The following PROCR variants were observed in gnomAD, a reference collection of about 807,000 sequenced individuals.
The protein encoded by PROCR is endothelial protein C receptor.
A neutral mutation model predicts 24.2 loss-of-function variants in PROCR; 22 were observed. The ratio of observed to expected loss-of-function variants is 0.91; its 90% confidence interval spans 0.65 to 1.30. The LOEUF (loss-of-function observed/expected upper bound fraction) is 1.30. Ranked by LOEUF, PROCR falls within the 50% of genes most tolerant of loss-of-function variation. PROCR has a pLI of 0.00. For synonymous variants in PROCR, 137 were observed against 139.2 expected (o/e 0.98, Z 0.11); for missense variants, 288 against 307.7 (o/e 0.94, Z 0.48).
At chr20:35,200,052 A>C (rs1184032109) in intron 1 of PROCR, among the ~76,000 whole-genome samples, 1 of 152,228 alleles carries the variant, frequency 6.6e-6, no homozygotes, top group African/African-American at 2.4e-5. Flanking sequence ...AATGTGGCTG[A>C]ATTCTGTAAT....
At chr20:35,208,276 C>T (rs774987026) in intron 1 of PROCR, among the ~76,000 whole-genome samples, 2 of 152,232 alleles carry the variant, frequency 1.3e-5, no homozygotes, top group Admixed American at 6.5e-5. Context: ...TTTCTCTCTT[C>T]GGAATCTGTC....
chr20:35,179,152 G>A (rs1170839991), downstream of PROCR, among the ~76,000 whole-genome samples: 1 of 144,410 alleles, frequency 6.9e-6, no homozygotes, highest in African/African-American at 2.6e-5. Flanking sequence ...AGAATGGCAT[G>A]AATCCGGGAG....
chr20:35,193,921 G>T (rs2086194598), intron 1 of PROCR, among the ~76,000 whole-genome samples: 1 of 152,180 alleles, frequency 6.6e-6, no homozygotes, highest in South Asian at 2.1e-4. Context: ...ACTAAACCCT[G>T]AGGACGCCCC....
At chr20:35,205,344 T>A (rs6142327) in intron 1 of PROCR, among the ~76,000 whole-genome samples, 61,268 of 148,794 alleles carry the variant, frequency 0.41, 13,283 homozygotes, top group East Asian at 0.64. Flanking sequence ...AAAAAACACA[T>A]GATAATCCTA....
intron 1 of PROCR, among the ~76,000 whole-genome samples, chr20:35,192,535 G>A (rs564180134): frequency 9.6e-4 from 146 of 152,210 alleles, no homozygotes; most frequent in African/African-American, 3.2e-3. Context: ...GCAGCTGCAG[G>A]CATATCCCCC....
intron 1 of PROCR, among the ~76,000 whole-genome samples, chr20:35,173,200 G>A (rs963990736): frequency 1.3e-5 from 2 of 152,112 alleles, no homozygotes; most frequent in African/African-American, 4.8e-5. Context: ...TCTGGGTGTA[G>A]GAAGCAGAGA....
intron 1 of PROCR, among the ~76,000 whole-genome samples, chr20:35,210,574 A>AT (rs2060358848): frequency 6.6e-6 from 1 of 152,066 alleles, no homozygotes; most frequent in Non-Finnish European, 1.5e-5. Context: ...ATATAGACAT[A>AT]TTTTTAAAAG....
At chr20:35,205,089 G>A (rs140609135) in intron 1 of PROCR, among the ~76,000 whole-genome samples, 2,218 of 151,614 alleles carry the variant, frequency 0.015, 66 homozygotes, top group African/African-American at 0.05. Context: ...CCTGGCCAAC[G>A]TGGTGAAACC....
At chr20:35,208,012 A>C (rs1346142318) in intron 1 of PROCR, among the ~76,000 whole-genome samples, 1 of 152,202 alleles carries the variant, frequency 6.6e-6, no homozygotes, top group African/African-American at 2.4e-5. Context: ...GTGAGAATCC[A>C]TTTATTGGGT....
intron 1 of PROCR, among the ~76,000 whole-genome samples, chr20:35,195,839 AAAAAG>A (rs1345636715): frequency 6.7e-6 from 1 of 149,234 alleles, no homozygotes; most frequent in African/African-American, 2.5e-5. Flanking sequence ...AAAAAAAAAG[AAAAAG>A]AAAAGAAAGA....
chr20:35,208,446 A>C (rs1333357753), intron 1 of PROCR, among the ~76,000 whole-genome samples: 1 of 152,212 alleles, frequency 6.6e-6, no homozygotes, highest in East Asian at 1.9e-4. Context: ...TTTTGATCCA[A>C]GGGAAGGAGA....
intron 1 of PROCR, among the ~76,000 whole-genome samples, chr20:35,173,714 G>A (rs371480947): frequency 5.9e-5 from 9 of 152,158 alleles, no homozygotes; most frequent in African/African-American, 2.2e-4. Context: ...ACAGGCATGA[G>A]CCACCGCGCC....
chr20:35,205,950 T>C (rs891485089), intron 1 of PROCR, among the ~76,000 whole-genome samples: 2 of 148,764 alleles, frequency 1.3e-5, no homozygotes, highest in African/African-American at 5.0e-5. Flanking sequence ...GGATTACAGG[T>C]GTGAGCCACT....
chr20:35,202,651 G>T (rs1291023917), intron 1 of PROCR: 1 of 151,922 alleles, frequency 6.6e-6, no homozygotes, highest in Non-Finnish European at 1.5e-5. Context: ...TCACCAAGAA[G>T]ATAAACACTG....
chr20:35,195,218 G>GATGA (rs747721953), intron 1 of PROCR: 11 of 152,108 alleles, frequency 7.2e-5, no homozygotes, highest in African/African-American at 2.2e-4. Context: ...ATAACAGATG[G>GATGA]ATGAATGAAT....
At chr20:35,209,278 C>T (rs1313450218) in intron 1 of PROCR, among the ~76,000 whole-genome samples, 2 of 152,098 alleles carry the variant, frequency 1.3e-5, no homozygotes, top group African/African-American at 4.8e-5. Flanking sequence ...AGGTCTCTGG[C>T]ATGAACAACT....
At chr20:35,197,529 A>G (rs1402600798) in intron 1 of PROCR, among the ~76,000 whole-genome samples, 1 of 152,180 alleles carries the variant, frequency 6.6e-6, no homozygotes, top group Non-Finnish European at 1.5e-5. Flanking sequence ...GTTCAAGTGA[A>G]AAGAAGAGTC....
intron 1 of PROCR, among the ~76,000 whole-genome samples, chr20:35,189,411 C>T (rs1411626591): frequency 1.3e-5 from 2 of 152,106 alleles, no homozygotes; most frequent in South Asian, 2.1e-4. Context: ...CTAGTCAGAC[C>T]GGTTCTCTGC....
At chr20:35,213,908 C>T (rs1266593693) in intron 1 of PROCR, among the ~76,000 whole-genome samples, 1 of 146,544 alleles carries the variant, frequency 6.8e-6, no homozygotes, top group African/African-American at 2.4e-5. Context: ...AACACTGTCT[C>T]TACTAAAAAT....
Sources: allele counts gnomAD v4.1 joint callset (sites outside exome capture counted in the v4.1 genomes callset), GRCh38; gene constraint gnomAD v4.1.1; transcripts MANE v1.5; gene names NCBI Gene and HGNC (gene_info 2026-07-23, HGNC 2026-07-21).